Variants in ARR3 observed in about 807,000 individuals in gnomAD.
ARR3 encodes the protein arrestin 3.
Under a neutral mutation model 35.4 loss-of-function variants are expected in ARR3, and 14 were observed. That is an observed-to-expected ratio of 0.40 (90% CI 0.26 to 0.62). The LOEUF is 0.62. Among genes scored for constraint, ARR3 ranks in the 20% least tolerant of loss-of-function variants. The pLI is 0.46. For missense variants in ARR3, 259 were observed against 303.8 expected, an observed-to-expected ratio of 0.85 and a Z score of 1.10; for synonymous variants, 97 against 119.1, an observed-to-expected ratio of 0.81 and a Z score of 1.21.
chrX:70,278,223 G>A (rs1016997645), intron 11 of ARR3, 85 bp downstream of exon 11: 1 of 893,080 alleles, frequency 1.1e-6, no homozygotes, highest in Non-Finnish European at 1.6e-6. Context: ...GGGGTAGAGT[G>A]GGGGAGAAGA....
At chrX:70,269,229 T>C in intron 1 of ARR3, 127 bp from the exon 2 acceptor site, 1 of 589,475 alleles carries the variant, frequency 1.7e-6, no homozygotes, top group Non-Finnish European at 2.5e-6. Flanking sequence ...AGGTACTTGA[T>C]GTGGGTGAGG....
intron 16 of ARR3, 129 bp from the exon 17 acceptor site, chrX:70,281,544 AGAG>A (rs1226713485): frequency 1.1e-5 from 6 of 540,714 alleles, no homozygotes; most frequent in Non-Finnish European, 1.9e-5. Context: ...GGGGACACCA[AGAG>A]GGGGCCGAGG....
chrX:70,276,818 C>G, intron 8 of ARR3, 82 bp downstream of exon 8: 1 of 889,618 alleles, frequency 1.1e-6, no homozygotes, highest in Non-Finnish European at 1.6e-6. Flanking sequence ...GAAATAGCCC[C>G]ACTTCTAACC....
intron 5 of ARR3, among the ~76,000 whole-genome samples, chrX:70,275,659 C>CTTTTTT (rs35378424): frequency 4.8e-5 from 2 of 42,034 alleles, no homozygotes; most frequent in East Asian, 8.3e-4. Context: ...AGCCTTCAAT[C>CTTTTTT]TTTTTTTTTT....
At chrX:70,270,928 T>C (rs1281175989) in intron 5 of ARR3, among the ~76,000 whole-genome samples, 1 of 110,981 alleles carries the variant, frequency 9.0e-6, no homozygotes, top group Non-Finnish European at 1.9e-5. Flanking sequence ...ATTCTCACTA[T>C]GGATTAACCC....
At position 70,280,553 on chromosome X, in the gene ARR3, C is replaced by A; in HGVS notation, c.990-6C>A. The stretch of plus-strand genomic sequence containing the variant: ...CTGCTAATTTTGGGTGTCATTCTAC[C>A]CACAGCATCCTAGGAGACCTGACAG... On this transcript the variant is annotated splice_polypyrimidine_tract_variant and splice_region_variant and intron_variant, in intron 13 of 16. Coordinates refer to ENST00000307959, the MANE Select transcript of ARR3 (RefSeq NM_004312.3). 8.4e-7 allele frequency: 1 copy of A among 1,196,399 alleles called. No homozygotes were observed. Among genetic ancestry groups the A allele is most frequent in the Non-Finnish European group, 1.1e-6 (1 of 888,869 alleles).
rs778041896 is a variant in ARR3, at chrX:70,281,722, G to A, written c.1123G>A (p.Glu375Lys). The A allele has an allele frequency of 5.9e-6, 7 of 1,186,169 alleles. No individual in the cohort carries two copies. In the African/African-American group the frequency reaches 1.2e-4, roughly 21 times the overall value. ...IEEFTRKGEE[E>K]SQKAVEAEGD... The stretch of plus-strand genomic sequence containing the variant: ...GGAGTTTACGCGGAAAGGCGAGGAG[G>A]AGAGCCAGAAGGCTGTGGAGGCTGA... The change falls in exon 17 of 17, where the codon GAG becomes AAG. Residue 375 changes from glutamate (E) to lysine (K), a missense_variant. Physicochemically the swap from Glu to Lys is moderately conservative, Grantham distance 56. Coordinates refer to ENST00000307959, the MANE Select transcript of ARR3 (RefSeq NM_004312.3).
At chrX:70,281,525 T>C (rs2085685010) in intron 16 of ARR3, 151 bp from the exon 17 acceptor site, 1 of 496,198 alleles carries the variant, frequency 2.0e-6, no homozygotes, top group African/African-American at 2.4e-5. Context: ...GAGTGGCTGA[T>C]GGAAAAGTGG....
chrX:70,281,079 C>T lies in ARR3; in HGVS notation c.1067-20C>T, dbSNP rs1490088530. 13 of 1,205,888 alleles carry T rather than the reference C, an allele frequency of 1.1e-5. No individual in the cohort carries two copies. Among genetic ancestry groups the T allele is most frequent in the Admixed American group, 4.4e-5 (2 of 45,360 alleles). ...CAGCTTCAGCTCCATTTTTTCCCTCCGTCTCCATGCTTGCTACAGAGGCCG... is the reference window on the plus strand; with the variant it reads ...CAGCTTCAGCTCCATTTTTTCCCTCTGTCTCCATGCTTGCTACAGAGGCCG... On this transcript the variant is annotated intron_variant, in intron 15 of 16. Coordinates refer to ENST00000307959, the MANE Select transcript of ARR3 (RefSeq NM_004312.3).
intron 5 of ARR3, among the ~76,000 whole-genome samples, chrX:70,271,401 G>C (rs1163732581): frequency 8.9e-6 from 1 of 111,745 alleles, no homozygotes; most frequent in East Asian, 2.8e-4. Flanking sequence ...AGATTGTCTT[G>C]TTTGCATCAT....
At chrX:70,270,295 G>A in intron 5 of ARR3, 151 bp downstream of exon 5, 1 of 598,761 alleles carries the variant, frequency 1.7e-6, no homozygotes, top group Non-Finnish European at 2.6e-6. Flanking sequence ...GCCCAGTGTG[G>A]CCAAATTTTC....
At chrX:70,277,246 G>A (rs1197477508) in intron 8 of ARR3, 148 bp from the exon 9 acceptor site, 8 of 789,888 alleles carry the variant, frequency 1.0e-5, no homozygotes, top group African/African-American at 4.2e-5. Context: ...TGGTCTACAT[G>A]CTTACATTAA....
At position 70,278,654 on chromosome X, in the gene ARR3, A is replaced by G; in HGVS notation, c.905+13A>G. On this transcript the variant is annotated intron_variant, in intron 12 of 16. Transcript: ENST00000307959. The stretch of plus-strand genomic sequence containing the variant: ...CCTCTAGCACAATGTAAGCTCAAAT[A>G]TAACTCTCAGCCTCCATTTCCTACC... 2 of 1,203,201 alleles carry G rather than the reference A, an allele frequency of 1.7e-6. No individual in the cohort carries two copies. Among genetic ancestry groups the G allele is most frequent in the Non-Finnish European group, 2.2e-6 (2 of 889,886 alleles).
At chrX:70,281,526 G>T (rs763498494) in intron 16 of ARR3, 150 bp from the exon 17 acceptor site, 7 of 496,753 alleles carry the variant, frequency 1.4e-5, no homozygotes, top group Non-Finnish European at 2.1e-5. Flanking sequence ...AGTGGCTGAT[G>T]GAAAAGTGGG....
chrX:70,281,125 T>C lies in ARR3; in HGVS notation c.1076+17T>C, dbSNP rs779231707. On this transcript the variant is annotated intron_variant, in intron 16 of 16. Transcript: ENST00000307959. ...GGCCGCTAGGTAATGGAATACAAGA[T>C]TGGGAAGCCCCATTCCCCTCTTCCC... 3.9e-5 allele frequency: 47 copies of C among 1,206,664 alleles called. No homozygotes were observed. The highest frequency in any genetic ancestry group is 3.0e-4 in the South Asian group (17 of 56,250).
chrX:70,274,736 T>C (rs193143609), intron 5 of ARR3, among the ~76,000 whole-genome samples: 2 of 112,293 alleles, frequency 1.8e-5, no homozygotes, highest in Admixed American at 9.4e-5. Context: ...GGGAGAAACA[T>C]TGTGTCCTCA....
At chrX:70,281,590 T>C in intron 16 of ARR3, 86 bp from the exon 17 acceptor site, 1 of 834,836 alleles carries the variant, frequency 1.2e-6, no homozygotes, top group Non-Finnish European at 1.7e-6. Context: ...GGGATCACTT[T>C]TCTGGGATCA....
chrX:70,274,438 C>T (rs1302428214), intron 5 of ARR3, among the ~76,000 whole-genome samples: 2 of 111,440 alleles, frequency 1.8e-5, no homozygotes, highest in African/African-American at 3.3e-5. Context: ...TGTCCTCAAG[C>T]GATCTGTCCA....
intron 5 of ARR3, among the ~76,000 whole-genome samples, chrX:70,273,072 G>A (rs760266365): frequency 1.3e-4 from 14 of 110,464 alleles, no homozygotes; most frequent in Non-Finnish European, 2.5e-4. Flanking sequence ...ATTTCTATCC[G>A]CCTCTCACTT....
Sources: allele counts gnomAD v4.1 joint callset (sites outside exome capture counted in the v4.1 genomes callset), GRCh38; gene constraint gnomAD v4.1.1; transcripts MANE v1.5; gene names NCBI Gene and HGNC (gene_info 2026-07-23, HGNC 2026-07-21).